The following MERTK variants were observed in gnomAD, a reference collection of about 807,000 sequenced individuals.
MERTK encodes tyrosine-protein kinase Mer.
In MERTK, 69 loss-of-function variants were observed where a neutral mutation model predicts 99.3. The observed-to-expected ratio is 0.70, with a 90% CI of 0.57 to 0.85. The LOEUF (loss-of-function observed/expected upper bound fraction) is 0.85. MERTK is among the 40% of genes least tolerant of loss of function. MERTK has a pLI of 0.00. For missense variants in MERTK, 1,125 were observed against 1,249.4 expected (o/e 0.90, Z 1.50); for synonymous variants, 426 against 467.6 (o/e 0.91, Z 1.15).
intron 18 of MERTK, among the ~76,000 whole-genome samples, chr2:112,023,475 G>T (rs1357187238): frequency 6.6e-6 from 1 of 152,150 alleles, no homozygotes; most frequent in East Asian, 1.9e-4. Context: ...CATGTGTTTA[G>T]ACAGGAGAAA....
chr2:111,975,562 T>A (rs567212431), intron 7 of MERTK, 90 bp downstream of exon 7: 15 of 1,404,726 alleles, frequency 1.1e-5, no homozygotes, highest in South Asian at 4.7e-5. Flanking sequence ...GTTGAAACTT[T>A]GCTTTGTTTG....
At chr2:112,015,105 T>C (rs778294663) in intron 15 of MERTK, among the ~76,000 whole-genome samples, 4 of 152,236 alleles carry the variant, frequency 2.6e-5, no homozygotes, top group Non-Finnish European at 5.9e-5. Flanking sequence ...ATATGGGTTG[T>C]TTCTAGGTTT....
In MERTK at chr2:111,978,583, T is replaced by C. The variant is rs191876734; in HGVS notation, c.1144+3111T>C. Among the ~76,000 whole-genome samples, 37 of 152,264 alleles carry C rather than the reference T, an allele frequency of 2.4e-4. No individual in the cohort carries two copies. The East Asian group carries it at 7.0e-3, about 29-fold the overall frequency. ...AATGTTTATAGGCATGAGCCTATAA[T>C]AGGGGATTATAGGCATGAGCCACCG... On this transcript the variant is annotated intron_variant, in intron 7 of 18. Transcript: ENST00000295408.
intron 16 of MERTK, 24 bp from the exon 17 acceptor site, chr2:112,021,398 G>A (rs1431519394): frequency 6.2e-7 from 1 of 1,612,264 alleles, no homozygotes; most frequent in South Asian, 1.1e-5. Flanking sequence ...TGACGCTGCT[G>A]AAGACGTAAC....
chr2:111,981,840 G>A (rs183662236), intron 7 of MERTK, among the ~76,000 whole-genome samples: 3 of 152,130 alleles, frequency 2.0e-5, no homozygotes, highest in Non-Finnish European at 2.9e-5. Context: ...AATGGTGGCT[G>A]CATTCTGAGC....
At chr2:112,022,894 G>A (rs1202160021) in intron 18 of MERTK, among the ~76,000 whole-genome samples, 1 of 152,100 alleles carries the variant, frequency 6.6e-6, no homozygotes, top group African/African-American at 2.4e-5. Context: ...GAATCGCTTG[G>A]GAGATAGTGT....
rs189835103 is a variant in MERTK, at chr2:111,945,858, G to T, written c.583+798G>T. ...CTACCCCTGGGGGCTTCCCTCTGGG[G>T]GCCTTGTGCCCCTCCTCTCTGAGGT... On this transcript the variant is annotated intron_variant, in intron 3 of 18. Transcript: ENST00000295408. Among the ~76,000 whole-genome samples the T allele has an allele frequency of 1.8e-4, 27 of 152,310 alleles. No individual in the cohort carries two copies. In the East Asian group the frequency reaches 5.2e-3, roughly 29 times the overall value.
Position 111,929,130 on chromosome 2 carries a change from G to A in MERTK, c.72G>A (p.Glu24=). 5.0e-6 allele frequency: 8 copies of A among 1,614,158 alleles called. No individual in the cohort carries two copies. Among genetic ancestry groups the A allele is most frequent in the Non-Finnish European group, 6.8e-6 (8 of 1,180,030 alleles). ...TGTTCTGTTTTACAGCTATCACTGA[G>A]GCAAGGGAAGAAGCCAAGCCTTACC... ...LPALWRRAIT[E]AREEAKPYPL... is the part of the protein sequence containing the mutation. The change falls in exon 2 of 19, where the codon GAG becomes GAA. Residue 24 remains glutamate (E), a synonymous_variant. Transcript: ENST00000295408.
rs1027876640 is a variant in MERTK at position 111,898,709 on chromosome 2, G to A, written c.-27G>A. 1 of 1,603,354 alleles carries A rather than the reference G, an allele frequency of 6.2e-7. No individual in the cohort carries two copies. On this transcript the variant is annotated 5_prime_UTR_variant, in exon 1 of 19. Coordinates refer to ENST00000295408, the MANE Select transcript of MERTK (RefSeq NM_006343.3). Reference sequence around the variant, plus strand: ...ACGTCCATCTGTCCATCCGTCCGGAGAGAAATTACAGATCCGCAGCCCCGG... The same window carrying A: ...ACGTCCATCTGTCCATCCGTCCGGAAAGAAATTACAGATCCGCAGCCCCGG...
chr2:112,010,194 C>T lies in MERTK; in HGVS notation c.2079+128C>T, dbSNP rs369265629. 22 of 763,986 alleles carry T rather than the reference C, an allele frequency of 2.9e-5. No homozygotes were observed. The African/African-American group carries it at 3.7e-4, about 13-fold the overall frequency. 47.3% of individuals were successfully genotyped at this position (763,986 alleles called of 1,614,324 possible). ...GGACGTTGACTTTTGTTCAGTGCTC[C>T]CTGTGTGTCCAGGGTTGAAATGTGG... On this transcript the variant is annotated intron_variant, in intron 15 of 18. Coordinates refer to ENST00000295408, the MANE Select transcript of MERTK (RefSeq NM_006343.3).
intron 15 of MERTK, among the ~76,000 whole-genome samples, chr2:112,016,994 A>T (rs1327436216): frequency 7.2e-5 from 11 of 152,164 alleles, no homozygotes; most frequent in Admixed American, 7.2e-4. Context: ...CATGGACCCA[A>T]AGAGTGAGCA....
chr2:111,955,374 C>A (rs1355155334), intron 4 of MERTK, among the ~76,000 whole-genome samples: 1 of 152,042 alleles, frequency 6.6e-6, no homozygotes, highest in Non-Finnish European at 1.5e-5. Context: ...AGATAACATT[C>A]TCAAAAGGAC....
chr2:111,971,581 G>C (rs1180616887), intron 6 of MERTK, among the ~76,000 whole-genome samples: 1 of 152,072 alleles, frequency 6.6e-6, no homozygotes, highest in African/African-American at 2.4e-5. Context: ...ATTTAGAAGT[G>C]TGTATTTAAA....
chr2:111,933,375 A>G lies in MERTK; in HGVS notation c.482+3835A>G, dbSNP rs1356347975. 2.6e-5 allele frequency among the ~76,000 whole-genome samples: 4 copies of G among 152,232 alleles called. No homozygotes were observed. The East Asian group carries it at 7.7e-4, about 29-fold the overall frequency. On this transcript the variant is annotated intron_variant, in intron 2 of 18. Coordinates refer to ENST00000295408, the MANE Select transcript of MERTK (RefSeq NM_006343.3). ...ATATAAGTAATTTTGTTAGAAATTC[A>G]TTAGCCTGCAATTTTGCTGGAGTTG...
intron 10 of MERTK, 85 bp from the exon 11 acceptor site, chr2:112,001,116 A>G (rs1313153619): frequency 9.9e-7 from 1 of 1,008,628 alleles, no homozygotes; most frequent in African/African-American, 1.6e-5. Flanking sequence ...TGAAAAGCGG[A>G]AGCTCTGTAG....
intron 1 of MERTK, among the ~76,000 whole-genome samples, chr2:111,923,530 A>G (rs973301087): frequency 3.3e-5 from 5 of 152,212 alleles, no homozygotes; most frequent in Admixed American, 1.3e-4. Flanking sequence ...TAGTGATCCA[A>G]GGCAGCTTAG....
chr2:112,001,104 A>C (rs773523671), intron 10 of MERTK, 97 bp from the exon 11 acceptor site: 1 of 904,564 alleles, frequency 1.1e-6, no homozygotes, highest in Non-Finnish European at 1.9e-6. Context: ...AGAAGAGCCC[A>C]TTGAAAAGCG....
intron 15 of MERTK, among the ~76,000 whole-genome samples, chr2:112,016,369 T>G (rs917688305): frequency 6.6e-6 from 1 of 152,238 alleles, no homozygotes. Context: ...TAGTTTCCTA[T>G]TTTGTTGCTT....
chr2:111,936,768 A>G (rs1197506377), intron 2 of MERTK, among the ~76,000 whole-genome samples: 1 of 152,100 alleles, frequency 6.6e-6, no homozygotes, highest in Non-Finnish European at 1.5e-5. Flanking sequence ...TCAGCTCGAA[A>G]CTAGCATATC....
Sources: allele counts gnomAD v4.1 joint callset (sites outside exome capture counted in the v4.1 genomes callset), GRCh38; gene constraint gnomAD v4.1.1; transcripts MANE v1.5; gene names NCBI Gene and HGNC (gene_info 2026-07-23, HGNC 2026-07-21).